The following GALNT13 variants were observed in gnomAD, a reference collection of about 807,000 sequenced individuals.
GALNT13 encodes UDP-GalNAc:polypeptide N-acetylgalactosaminyltransferase 13.
In GALNT13, 28 loss-of-function variants were observed where a neutral mutation model predicts 64.2. The ratio of observed to expected loss-of-function variants is 0.44; its 90% CI spans 0.32 to 0.60. The LOEUF (loss-of-function observed/expected upper bound fraction) is 0.60. Ranked by LOEUF, GALNT13 falls within the 20% of genes least tolerant of loss-of-function variation. The pLI, the probability that GALNT13 is intolerant of heterozygous loss-of-function variation, is 0.05. For missense variants in GALNT13, 577 were observed against 669.8 expected, an observed-to-expected ratio of 0.86 and a Z score of 1.53; for synonymous variants, 214 against 224.6, an observed-to-expected ratio of 0.95 and a Z score of 0.42.
At chr2:153,603,380 C>T in the GALNT13 span, among the ~76,000 whole-genome samples, 1 of 151,854 alleles carries the variant, frequency 6.6e-6, no homozygotes, top group Non-Finnish European at 1.5e-5. Context: ...CATATGCAAG[C>T]AGACTATATC....
chr2:153,211,919 C>T, the GALNT13 span, among the ~76,000 whole-genome samples: 5 of 152,294 alleles, frequency 3.3e-5, no homozygotes, highest in South Asian at 1.0e-3. Context: ...GACACAGTTA[C>T]TTGTAGCAGG....
At chr2:153,801,527 AAC>A in the GALNT13 span, among the ~76,000 whole-genome samples, 9 of 152,156 alleles carry the variant, frequency 5.9e-5, no homozygotes, top group Non-Finnish European at 1.3e-4. Flanking sequence ...GAGAAGTCAG[AAC>A]ACACACACAT....
At chr2:153,830,702 G>C in the GALNT13 span, among the ~76,000 whole-genome samples, 1 of 151,812 alleles carries the variant, frequency 6.6e-6, no homozygotes, top group Admixed American at 6.6e-5. Context: ...AATTGTTTTG[G>C]CTGCCAAGAA....
chr2:153,743,481 A>G, the GALNT13 span, among the ~76,000 whole-genome samples: 1 of 151,190 alleles, frequency 6.6e-6, no homozygotes, highest in Admixed American at 6.6e-5. Context: ...TTTTTTTTGA[A>G]CCTACTTTAT....
the GALNT13 span, among the ~76,000 whole-genome samples, chr2:153,488,227 A>G: frequency 2.6e-5 from 4 of 152,184 alleles, no homozygotes; most frequent in Non-Finnish European, 4.4e-5. Context: ...ACCTGACTGA[A>G]ATGCACAGAG....
chr2:154,383,901 A>G (rs1175414796), intron 9 of GALNT13, among the ~76,000 whole-genome samples: 2 of 59,670 alleles, frequency 3.4e-5, no homozygotes, highest in Non-Finnish European at 7.4e-5. Flanking sequence ...AAACATACAT[A>G]TATATGTGTG....
chr2:153,998,232 A>G (rs951031621), intron 3 of GALNT13, among the ~76,000 whole-genome samples: 7 of 152,108 alleles, frequency 4.6e-5, no homozygotes, highest in African/African-American at 1.7e-4. Context: ...GTCTTCCACA[A>G]TGGTTGAAGT....
chr2:154,423,417 G>A (rs1284815662), intron 11 of GALNT13, among the ~76,000 whole-genome samples: 2 of 152,068 alleles, frequency 1.3e-5, no homozygotes, highest in Non-Finnish European at 2.9e-5. Context: ...AATCCTTTGG[G>A]TGTATACCCA....
chr2:153,562,813 C>T, the GALNT13 span, among the ~76,000 whole-genome samples: 1 of 152,032 alleles, frequency 6.6e-6, no homozygotes, highest in Non-Finnish European at 1.5e-5. Context: ...ATTATCCTTT[C>T]CTTTCCTTTA....
the GALNT13 span, among the ~76,000 whole-genome samples, chr2:153,751,667 A>G: frequency 5.9e-5 from 9 of 151,750 alleles, no homozygotes; most frequent in Non-Finnish European, 4.4e-5. Flanking sequence ...TTTAGTTTCT[A>G]TTGGCATGGA....
the GALNT13 span, among the ~76,000 whole-genome samples, chr2:153,230,386 C>T: frequency 4.4e-4 from 67 of 152,234 alleles, no homozygotes; most frequent in African/African-American, 1.6e-3. Context: ...TGAATATTTT[C>T]CTGCACTGCA....
the GALNT13 span, among the ~76,000 whole-genome samples, chr2:153,464,696 T>C: frequency 6.6e-6 from 1 of 151,996 alleles, no homozygotes; most frequent in African/African-American, 2.4e-5. Flanking sequence ...TGTTGTAAAA[T>C]TAGGTCAGAA....
intron 3 of GALNT13, among the ~76,000 whole-genome samples, chr2:154,009,760 C>T (rs146696979): frequency 7.5e-4 from 114 of 152,194 alleles, no homozygotes; most frequent in African/African-American, 2.6e-3. Flanking sequence ...AAGGTATGAC[C>T]ATTTTAACAA....
intron 9 of GALNT13, among the ~76,000 whole-genome samples, chr2:154,347,337 C>G (rs2105242971): frequency 6.6e-6 from 1 of 152,186 alleles, no homozygotes; most frequent in South Asian, 2.1e-4. Flanking sequence ...ACCACTTGAT[C>G]TTTCATATTT....
the GALNT13 span, among the ~76,000 whole-genome samples, chr2:153,482,134 C>T: frequency 1.3e-5 from 2 of 152,178 alleles, no homozygotes; most frequent in Non-Finnish European, 2.9e-5. Context: ...TATCCCTCCC[C>T]AAATTCTTTC....
At chr2:154,325,172 G>A (rs1194287544) in intron 9 of GALNT13, among the ~76,000 whole-genome samples, 1 of 151,914 alleles carries the variant, frequency 6.6e-6, no homozygotes, top group Non-Finnish European at 1.5e-5. Flanking sequence ...AGAGAGCCGG[G>A]GCCAGTTTGA....
At chr2:154,101,742 A>G (rs1267505605) in intron 3 of GALNT13, among the ~76,000 whole-genome samples, 1 of 151,874 alleles carries the variant, frequency 6.6e-6, no homozygotes, top group Non-Finnish European at 1.5e-5. Flanking sequence ...TGTGACATTA[A>G]ATTATTAATT....
chr2:154,037,705 T>A (rs1698741936), intron 3 of GALNT13, among the ~76,000 whole-genome samples: 1 of 152,186 alleles, frequency 6.6e-6, no homozygotes. Context: ...CATTCATATA[T>A]ATCAACAATG....
chr2:153,101,449 T>C, the GALNT13 span, among the ~76,000 whole-genome samples: 1 of 152,230 alleles, frequency 6.6e-6, no homozygotes, highest in Non-Finnish European at 1.5e-5. Flanking sequence ...CTGTTTGTTA[T>C]CATCTGTTGT....
Sources: allele counts gnomAD v4.1 joint callset (sites outside exome capture counted in the v4.1 genomes callset), GRCh38; gene constraint gnomAD v4.1.1; transcripts MANE v1.5; gene names NCBI Gene and HGNC (gene_info 2026-07-23, HGNC 2026-07-21).